DNAAF9: variants seen among roughly 807,000 people sequenced by gnomAD.
The protein encoded by DNAAF9 is dynein axonemal assembly factor 9, also known as shulin.
A neutral mutation model predicts 167.0 loss-of-function variants in DNAAF9; 90 were observed. The observed-to-expected ratio is 0.54, with a 90% confidence interval of 0.45 to 0.64. The LOEUF (loss-of-function observed/expected upper bound fraction) is 0.64. Among genes scored for constraint, DNAAF9 ranks in the 30% least tolerant of loss-of-function variants. DNAAF9 has a pLI of 0.00. For synonymous variants in DNAAF9, 491 were observed against 508.8 expected, an observed-to-expected ratio of 0.96 and a Z score of 0.47; for missense variants, 1,315 against 1,442.2, an observed-to-expected ratio of 0.91 and a Z score of 1.43.
In DNAAF9 at chr20:3,250,182, G is replaced by A. The variant is rs1362022721; in HGVS notation, c.*2390C>T. ...GGATCCACTTCTAAGGTCAAAAGCA[G>A]TGTCATGGCCATTCCTTTGGAAACA... On this transcript the variant is annotated 3_prime_UTR_variant, in exon 37 of 37. Transcript: ENST00000252032. 6.6e-6 allele frequency: 1 copy of A among 152,250 alleles called. No individual in the cohort carries two copies. Among genetic ancestry groups the A allele is most frequent in the Non-Finnish European group, 1.5e-5 (1 of 68,058 alleles). The allele number at this position is 152,250 out of a possible 1,614,324, so 9.4% of individuals were successfully genotyped here. A position where few individuals can be genotyped will look rare whatever the true frequency, so the allele number is the denominator to read the frequency against.
At chr20:3,301,839 A>G (rs1476184984) in intron 21 of DNAAF9, among the ~76,000 whole-genome samples, 1 of 151,962 alleles carries the variant, frequency 6.6e-6, no homozygotes, top group Non-Finnish European at 1.5e-5. Flanking sequence ...TAAAGATACA[A>G]CTCTTCGCAG....
At chr20:3,405,655 C>T (rs1241085649) in intron 1 of DNAAF9, among the ~76,000 whole-genome samples, 1 of 152,182 alleles carries the variant, frequency 6.6e-6, no homozygotes, top group African/African-American at 2.4e-5. Flanking sequence ...CTTCTTTGAA[C>T]ATAGAATCAC....
Position 3,259,541 on chromosome 20 carries a change from G to A in DNAAF9, c.2994C>T (p.Ser998=), listed in dbSNP as rs1406172925. The part of the protein sequence containing the change: ...FVAKCKAIQS[S]IKPSPFSGNI... ...TTCCGGAGAAGGGACTTGGCTTGAT[G>A]GAGGACTGAATTGCTGGTGGAAGAA... Residue 998 remains serine (S), a synonymous_variant, in exon 33 of 37, where the codon TCC becomes TCT. Transcript: ENST00000252032. 2 of 1,611,786 alleles carry A rather than the reference G, an allele frequency of 1.2e-6. No homozygotes were observed. Among genetic ancestry groups the A allele is most frequent in the Non-Finnish European group, 8.5e-7 (1 of 1,177,822 alleles).
intron 13 of DNAAF9, 144 bp from the exon 14 acceptor site, chr20:3,325,112 G>T: frequency 1.6e-6 from 1 of 643,424 alleles, no homozygotes; most frequent in Non-Finnish European, 2.8e-6. Context: ...CTACTTGGTA[G>T]GCATGAATAG....
chr20:3,370,289 T>G (rs2083490129), intron 6 of DNAAF9, among the ~76,000 whole-genome samples: 1 of 152,194 alleles, frequency 6.6e-6, no homozygotes, highest in South Asian at 2.1e-4. Flanking sequence ...CTCACTCTGT[T>G]GCTCAGGCTG....
At chr20:3,340,433 T>TCCCTCCCC in intron 10 of DNAAF9, 71 bp downstream of exon 10, 3 of 221,206 alleles carry the variant, frequency 1.4e-5, no homozygotes, top group Non-Finnish European at 2.9e-5. Flanking sequence ...TTTGTCTAGC[T>TCCCTCCCC]CCCCCCACCC....
intron 10 of DNAAF9, 107 bp downstream of exon 10, chr20:3,340,397 C>G: frequency 2.2e-6 from 2 of 901,944 alleles, no homozygotes; most frequent in Non-Finnish European, 3.3e-6. Flanking sequence ...AGGGTTAAAT[C>G]AACACACTAA....
At chr20:3,372,798 C>T (rs1386117654) in intron 6 of DNAAF9, among the ~76,000 whole-genome samples, 4 of 97,248 alleles carry the variant, frequency 4.1e-5, no homozygotes, top group East Asian at 5.5e-4. Context: ...GTTACTATAC[C>T]TACCTCAGAG....
chr20:3,343,599 AC>A (rs2070129451), intron 9 of DNAAF9, 76 bp downstream of exon 9: 3 of 1,073,580 alleles, frequency 2.8e-6, no homozygotes, highest in Non-Finnish European at 4.2e-6. Flanking sequence ...ACTTGAATGC[AC>A]CCCCACAGCC....
rs539982809 is a variant in DNAAF9, at chr20:3,359,245, T to G, written c.690+271A>C. Among the ~76,000 whole-genome samples the G allele has an allele frequency of 7.2e-4, 109 of 152,320 alleles. 2 individuals are homozygous for G. Among genetic ancestry groups the G allele is most frequent in the Admixed American group, 5.7e-3 (87 of 15,300 alleles). On this transcript the variant is annotated intron_variant, in intron 7 of 36. Transcript: ENST00000252032. ...GTCCAGTCCAACAGAAAGAATGCCT[T>G]TAGATAAAAACCTAAACCTAAAGGC... is the stretch of plus-strand genomic sequence containing the variant.
chr20:3,304,721 G>C (rs1413760082), intron 20 of DNAAF9, among the ~76,000 whole-genome samples, 178 bp from the exon 21 acceptor site: 2 of 152,222 alleles, frequency 1.3e-5, no homozygotes, highest in African/African-American at 4.8e-5. Context: ...CAAAGCCTCA[G>C]AGGGAAATGA....
At chr20:3,292,207 T>C (rs1395543661) in intron 25 of DNAAF9, among the ~76,000 whole-genome samples, 7 of 151,830 alleles carry the variant, frequency 4.6e-5, no homozygotes, top group Admixed American at 4.6e-4. Flanking sequence ...ACCTTGTTGG[T>C]CAGGCTGGTC....
intron 29 of DNAAF9, among the ~76,000 whole-genome samples, chr20:3,278,252 A>T (rs1161522786): frequency 1.3e-5 from 2 of 152,056 alleles, no homozygotes; most frequent in African/African-American, 2.4e-5. Context: ...GGGAGGTATT[A>T]AGAAAGACAG....
intron 6 of DNAAF9, among the ~76,000 whole-genome samples, chr20:3,366,108 G>T (rs2083429658): frequency 6.6e-6 from 1 of 152,154 alleles, no homozygotes; most frequent in Admixed American, 6.5e-5. Flanking sequence ...AATCATGAAT[G>T]CCCTTAATGT....
Position 3,326,232 on chromosome 20 carries a change from T to C in DNAAF9, c.1153A>G (p.Ile385Val), listed in dbSNP as rs183121919. 1,498 of 1,613,624 alleles carry C rather than the reference T, an allele frequency of 9.3e-4. 2 individuals are homozygous for C. Among genetic ancestry groups the C allele is most frequent in the Admixed American group, 2.2e-3 (132 of 60,026 alleles). ...CTGGAAGTTTTAGCATAACATGCAA[T>C]GCCAGCCAAAACAGCCTCAATAACA... is the stretch of plus-strand genomic sequence containing the variant. The part of the protein sequence containing the change: ...AAVIEAVLAG[I>V]ACYAKTSSLT... Residue 385 changes from isoleucine to valine, a missense_variant, in exon 13 of 37, where the codon ATT becomes GTT. Around this residue, in one of 2 missense-constraint regions of DNAAF9, gnomAD observed 981 missense variants for 1,012.5 expected, o/e 0.97. Transcript: ENST00000252032.
chr20:3,293,444 G>A (rs2069002736), intron 25 of DNAAF9, among the ~76,000 whole-genome samples: 1 of 151,494 alleles, frequency 6.6e-6, no homozygotes, highest in South Asian at 2.1e-4. Context: ...CAGCACTTTG[G>A]GAGGCCGGGG....
At position 3,251,161 on chromosome 20, in the gene DNAAF9, A is replaced by G. The variant is rs1372538839; in HGVS notation, c.*1411T>C. The G allele has an allele frequency of 6.8e-6, 1 of 147,270 alleles. No individual in the cohort carries two copies. Among genetic ancestry groups the G allele is most frequent in the African/African-American group, 2.5e-5 (1 of 39,760 alleles). The allele number at this position is 147,270 out of a possible 1,614,324, so 9.1% of individuals were successfully genotyped here. A position where few individuals can be genotyped will look rare whatever the true frequency, so the allele number is the denominator to read the frequency against. On this transcript the variant is annotated 3_prime_UTR_variant, in exon 37 of 37. Coordinates refer to ENST00000252032, the MANE Select transcript of DNAAF9 (RefSeq NM_001009984.3). ...AAATTGTTTTTTTTTTTTTTCTAATATATTTTACTGACAAGCCCTTGAGAG... is the reference window on the plus strand; with the variant it reads ...AAATTGTTTTTTTTTTTTTTCTAATGTATTTTACTGACAAGCCCTTGAGAG...
intron 31 of DNAAF9, 49 bp from the exon 32 acceptor site, chr20:3,260,077 C>T (rs6051685): frequency 0.19 from 197,005 of 1,040,270 alleles, 19,205 homozygotes; most frequent in African/African-American, 0.25. Flanking sequence ...CGGTGGCTCA[C>T]GCCTGTAATC....
intron 26 of DNAAF9, 149 bp downstream of exon 26, chr20:3,289,980 A>T: frequency 1.5e-6 from 1 of 661,572 alleles, no homozygotes; most frequent in Non-Finnish European, 2.8e-6. Flanking sequence ...CCATACAGGA[A>T]GTGCTCAGAA....
Sources: gnomAD v4.1 joint callset for allele counts (sites outside exome capture counted in the v4.1 genomes callset) on GRCh38, gnomAD v4.1.1 for gene constraint, gnomAD v4.1.1 regional missense constraint, MANE v1.5 for transcripts, NCBI Gene and HGNC (gene_info 2026-07-23, HGNC 2026-07-21) for gene names.